Variants in R3HDM2 observed in about 807,000 individuals in gnomAD.
The protein encoded by R3HDM2 is R3H domain containing 2, also known as R3H domain-containing protein 2.
R3HDM2 carries 38 observed loss-of-function variants against 124.5 expected under a neutral mutation model. The ratio of observed to expected loss-of-function variants is 0.31; its 90% confidence interval spans 0.24 to 0.40. R3HDM2 has a LOEUF of 0.40. Ranked by LOEUF, R3HDM2 falls within the 10% of genes least tolerant of loss-of-function variation. The pLI is 1.00. For synonymous variants in R3HDM2, 391 were observed against 448.0 expected, an observed-to-expected ratio of 0.87 and a Z score of 1.61; for missense variants, 869 against 1,236.9, an observed-to-expected ratio of 0.70 and a Z score of 4.46.
intron 1 of R3HDM2, among the ~76,000 whole-genome samples, chr12:57,402,503 A>G (rs1284483815): frequency 6.6e-6 from 1 of 151,922 alleles, no homozygotes; most frequent in Non-Finnish European, 1.5e-5. Context: ...TGTCCAGCTA[A>G]TTTTTATATT....
chr12:57,267,012 T>C, intron 18 of R3HDM2, 181 bp from the exon 19 acceptor site: 1 of 514,266 alleles, frequency 1.9e-6, no homozygotes, highest in Non-Finnish European at 3.5e-6. Flanking sequence ...ATTATATGTA[T>C]TTGTACTTGA....
intron 14 of R3HDM2, chr12:57,272,306 C>T: frequency 1.4e-6 from 1 of 701,062 alleles, no homozygotes; most frequent in Non-Finnish European, 2.6e-6. Context: ...TATAGTTCAG[C>T]CTGTGCTGGT....
chr12:57,361,912 A>G (rs2137612638), intron 2 of R3HDM2, among the ~76,000 whole-genome samples: 1 of 152,320 alleles, frequency 6.6e-6, no homozygotes, highest in South Asian at 2.1e-4. Context: ...ATGAGTTTCC[A>G]GACACCATTA....
chr12:57,350,117 G>C (rs1314751247), intron 2 of R3HDM2, among the ~76,000 whole-genome samples: 1 of 152,102 alleles, frequency 6.6e-6, no homozygotes, highest in Admixed American at 6.5e-5. Context: ...AGTTGAGGCA[G>C]GAGAATCGCT....
intron 21 of R3HDM2, among the ~76,000 whole-genome samples, chr12:57,257,323 C>A (rs1192648387): frequency 6.6e-6 from 1 of 152,012 alleles, no homozygotes; most frequent in African/African-American, 2.4e-5. Context: ...AAAGGTTAAA[C>A]AAATATAAGA....
intron 1 of R3HDM2, among the ~76,000 whole-genome samples, chr12:57,426,876 T>C (rs1259356429): frequency 6.6e-6 from 1 of 152,132 alleles, no homozygotes; most frequent in Non-Finnish European, 1.5e-5. Flanking sequence ...CTAATCACGA[T>C]GAAAAATTCA....
At chr12:57,360,399 C>T (rs1343845308) in intron 2 of R3HDM2, among the ~76,000 whole-genome samples, 1 of 151,814 alleles carries the variant, frequency 6.6e-6, no homozygotes, top group African/African-American at 2.4e-5. Context: ...AAACTGCGTA[C>T]CACAGAAATA....
At chr12:57,319,418 A>G (rs867228520) in intron 2 of R3HDM2, among the ~76,000 whole-genome samples, 2 of 152,220 alleles carry the variant, frequency 1.3e-5, no homozygotes, top group African/African-American at 2.4e-5. Flanking sequence ...CCCTGCTTGT[A>G]TACCTCTTAG....
chr12:57,396,202 G>A (rs1225008266), intron 1 of R3HDM2, among the ~76,000 whole-genome samples: 1 of 152,154 alleles, frequency 6.6e-6, no homozygotes, highest in Non-Finnish European at 1.5e-5. Flanking sequence ...CACTTTGGGT[G>A]GCCGAGGCCG....
chr12:57,428,466 T>C (rs896068648), intron 1 of R3HDM2, among the ~76,000 whole-genome samples: 41 of 110,402 alleles, frequency 3.7e-4, no homozygotes, highest in South Asian at 3.0e-4. Context: ...CCGTCTCTAC[T>C]AAAAATACAA....
chr12:57,296,640 G>GGA lies in R3HDM2; in HGVS notation c.561-91_561-90dup. 7.4e-7 allele frequency: 1 copy of GGA among 1,351,812 alleles called. No individual in the cohort carries two copies. Among genetic ancestry groups the GGA allele is most frequent in the South Asian group, 1.4e-5 (1 of 72,712 alleles). The allele number at this position is 1,351,812 out of a possible 1,614,324, so 83.7% of individuals were successfully genotyped here. A position where few individuals can be genotyped will look rare whatever the true frequency, so the allele number is the denominator to read the frequency against. Reference sequence around the variant, plus strand: ...AATTTTTCTTACAAGTGTCTAAAGTGGAAAGTTTCTTAGGAGAAATAGACA... The same window carrying GGA: ...AATTTTTCTTACAAGTGTCTAAAGTGGAGAAAGTTTCTTAGGAGAAATAGACA... On this transcript the variant is annotated intron_variant, in intron 8 of 23. Coordinates refer to ENST00000402412, the MANE Select transcript of R3HDM2 (RefSeq NM_001394031.1). The surrounding 1 kb of genome is among the most constrained non-coding windows in gnomAD (Gnocchi z 4.5).
At chr12:57,357,043 C>CA (rs1370739164) in intron 2 of R3HDM2, among the ~76,000 whole-genome samples, 1 of 151,540 alleles carries the variant, frequency 6.6e-6, no homozygotes, top group Non-Finnish European at 1.5e-5. Flanking sequence ...GCGGAGCTTG[C>CA]AGTGAGCCGA....
At chr12:57,272,090 G>A (rs2043719032) in intron 14 of R3HDM2, among the ~76,000 whole-genome samples, 1 of 152,124 alleles carries the variant, frequency 6.6e-6, no homozygotes, top group Non-Finnish European at 1.5e-5. Context: ...AAATTATAGA[G>A]AACCATTCTG....
intron 19 of R3HDM2, among the ~76,000 whole-genome samples, chr12:57,261,261 T>C (rs2040744844): frequency 6.6e-6 from 1 of 152,216 alleles, no homozygotes; most frequent in Non-Finnish European, 1.5e-5. Flanking sequence ...GTAAAAATAA[T>C]TAAATCTATT....
intron 1 of R3HDM2, among the ~76,000 whole-genome samples, chr12:57,411,443 C>T (rs140249084): frequency 6.6e-6 from 1 of 152,318 alleles, no homozygotes; most frequent in East Asian, 1.9e-4. Context: ...GGATTACAGG[C>T]ATGAGCCATG....
intron 7 of R3HDM2, 21 bp from the exon 8 acceptor site, chr12:57,297,408 C>T (rs1168708985): frequency 2.9e-6 from 4 of 1,403,438 alleles, no homozygotes; most frequent in Non-Finnish European, 3.9e-6. Context: ...AAGATTAAAA[C>T]AAAACAAAAC....
At chr12:57,374,218 T>C (rs1329081477) in intron 2 of R3HDM2, among the ~76,000 whole-genome samples, 1 of 152,040 alleles carries the variant, frequency 6.6e-6, no homozygotes, top group African/African-American at 2.4e-5. Flanking sequence ...CTCAGAAGGC[T>C]GAGGTGGGAG....
chr12:57,382,793 G>T (rs2065094287), intron 2 of R3HDM2, among the ~76,000 whole-genome samples: 1 of 151,722 alleles, frequency 6.6e-6, no homozygotes, highest in Non-Finnish European at 1.5e-5. Flanking sequence ...CTGAGATCAT[G>T]CCACTGCACT....
chr12:57,346,738 A>G (rs181168348), intron 2 of R3HDM2, among the ~76,000 whole-genome samples: 1 of 152,344 alleles, frequency 6.6e-6, no homozygotes, highest in African/African-American at 2.4e-5. Flanking sequence ...TAAATGGTAA[A>G]TATTTGATTA....
Sources: allele counts gnomAD v4.1 joint callset (sites outside exome capture counted in the v4.1 genomes callset), GRCh38; gene constraint gnomAD v4.1.1; non-coding constraint Gnocchi (gnomAD v3.1); transcripts MANE v1.5; gene names NCBI Gene and HGNC (gene_info 2026-07-23, HGNC 2026-07-21).